DENND2B: variants seen among roughly 807,000 people sequenced by gnomAD.
DENND2B encodes DENN domain containing 2B.
In DENND2B, 32 loss-of-function variants were observed where a neutral mutation model predicts 116.0. That is an observed-to-expected ratio of 0.28 (90% CI 0.21 to 0.37). The LOEUF is 0.37. Ranked by LOEUF, DENND2B falls within the 10% of genes least tolerant of loss-of-function variation. The pLI, the probability that DENND2B is intolerant of heterozygous loss-of-function variation, is 1.00. For missense variants in DENND2B, 1,276 were observed against 1,477.7 expected (o/e 0.86, Z 2.24); for synonymous variants, 588 against 583.9 (o/e 1.01, Z -0.10).
At position 8,786,327 on chromosome 11, in the gene DENND2B, AAAAT is replaced by A. The variant is rs376311095; in HGVS notation, c.-26+24186_-26+24189del. Among the ~76,000 whole-genome samples the A allele has an allele frequency of 1.7e-3, 259 of 152,360 alleles. 1 individual carries two copies. The highest frequency in any genetic ancestry group is 5.7e-3 in the African/African-American group (237 of 41,572). On this transcript the variant is annotated intron_variant, in intron 1 of 19. Transcript: ENST00000313726. ...TCGCTGTAGTGGTAAAAACAAGAAA[AAAAT>A]AAATAAATAAAACATACTTCTTGGT...
At chr11:8,805,682 A>C (rs987668381) in intron 1 of DENND2B, among the ~76,000 whole-genome samples, 2 of 152,178 alleles carry the variant, frequency 1.3e-5, no homozygotes, top group African/African-American at 4.8e-5. Flanking sequence ...CCTACCATCA[A>C]AACTCAGAAC....
At chr11:8,822,465 G>A (rs1346569021) in intron 4 of DENND2B, among the ~76,000 whole-genome samples, 1 of 152,158 alleles carries the variant, frequency 6.6e-6, no homozygotes, top group Admixed American at 6.6e-5. Context: ...TCTTATAACT[G>A]AACGTTTAGC....
At chr11:8,890,056 C>T (rs553402682) in intron 1 of DENND2B, among the ~76,000 whole-genome samples, 38 of 152,296 alleles carry the variant, frequency 2.5e-4, no homozygotes, top group African/African-American at 7.9e-4. Context: ...TCCAGGGGAA[C>T]GATCAGGCAG....
intron 2 of DENND2B, among the ~76,000 whole-genome samples, chr11:8,746,616 T>G (rs2051302852): frequency 6.6e-6 from 1 of 152,132 alleles, no homozygotes; most frequent in Non-Finnish European, 1.5e-5. Flanking sequence ...AGTTGGGTGG[T>G]CAAGAAAAAC....
At chr11:8,902,392 G>C (rs1418691755) in intron 1 of DENND2B, among the ~76,000 whole-genome samples, 1 of 151,720 alleles carries the variant, frequency 6.6e-6, no homozygotes. Flanking sequence ...TCTATTTCTT[G>C]CTTGAATTTT....
At chr11:8,774,733 C>G (rs1048640398) in intron 1 of DENND2B, among the ~76,000 whole-genome samples, 20 of 152,204 alleles carry the variant, frequency 1.3e-4, no homozygotes, top group African/African-American at 4.6e-4. Flanking sequence ...CCCCCAGGCC[C>G]TGAAGCCCAA....
At chr11:8,731,333 A>G (rs2048097611) in intron 2 of DENND2B, 124 bp from the exon 3 acceptor site, 1 of 950,710 alleles carries the variant, frequency 1.1e-6, no homozygotes, top group African/African-American at 1.7e-5. Flanking sequence ...CTCAAAGAGT[A>G]TTCTATTCAA....
chr11:8,884,051 C>G (rs1305367965), intron 1 of DENND2B, among the ~76,000 whole-genome samples: 2 of 152,188 alleles, frequency 1.3e-5, no homozygotes, highest in South Asian at 2.1e-4. Flanking sequence ...AGATTTTCCT[C>G]TATAGAGATA....
At chr11:8,867,030 C>T (rs2063604490) in intron 2 of DENND2B, among the ~76,000 whole-genome samples, 2 of 152,178 alleles carry the variant, frequency 1.3e-5, no homozygotes, top group Non-Finnish European at 2.9e-5. Flanking sequence ...AAGAAAACTT[C>T]TTTAGTTGAC....
chr11:8,900,373 A>C (rs1475106216), intron 1 of DENND2B, among the ~76,000 whole-genome samples: 1 of 149,690 alleles, frequency 6.7e-6, no homozygotes. Context: ...TGGAGCTTGC[A>C]GTGCCCAAGG....
At chr11:8,770,259 A>G (rs576096145) in intron 1 of DENND2B, among the ~76,000 whole-genome samples, 2 of 152,312 alleles carry the variant, frequency 1.3e-5, no homozygotes, top group East Asian at 1.9e-4. Flanking sequence ...AATAAGCCCA[A>G]TAGGATTAAA....
chr11:8,899,613 C>T (rs139164332), intron 1 of DENND2B, among the ~76,000 whole-genome samples: 1 of 152,146 alleles, frequency 6.6e-6, no homozygotes, highest in South Asian at 2.1e-4. Flanking sequence ...GCCTTATAGC[C>T]TTTAAATGTG....
intron 2 of DENND2B, among the ~76,000 whole-genome samples, chr11:8,735,414 A>G (rs1031724192): frequency 1.1e-4 from 17 of 152,348 alleles, no homozygotes; most frequent in Middle Eastern, 3.4e-3. Flanking sequence ...CCAGCAGAGA[A>G]CCACCAGAAA....
chr11:8,887,164 G>A (rs769813623), intron 1 of DENND2B, among the ~76,000 whole-genome samples: 4 of 152,142 alleles, frequency 2.6e-5, no homozygotes, highest in Non-Finnish European at 4.4e-5. Context: ...TTTTCATTTT[G>A]CAGCAGCTCT....
At chr11:8,766,543 G>A in intron 1 of DENND2B, 2 of 1,091,426 alleles carry the variant, frequency 1.8e-6, no homozygotes, top group Non-Finnish European at 2.5e-6. Context: ...AAAGAGACAG[G>A]GAGCAATGGG....
At chr11:8,725,977 C>T in intron 4 of DENND2B, 96 bp downstream of exon 4, 1 of 1,577,044 alleles carries the variant, frequency 6.3e-7, no homozygotes, top group Non-Finnish European at 8.7e-7. Flanking sequence ...ACCATGCCTG[C>T]CCACAGTGAA....
rs150093536 is a variant in DENND2B, at chr11:8,855,901, A to C, written c.-156+1442T>G. Among the ~76,000 whole-genome samples, 804 of 152,334 alleles carry C rather than the reference A, an allele frequency of 5.3e-3. 3 individuals are homozygous for C. The highest frequency in any genetic ancestry group is 6.8e-3 in the Middle Eastern group (2 of 294). ...ACTCTCCTCTGGGAGGAATCCCAGC[A>C]AACTAGACAGCTGCCAGATCTACCT... On this transcript the variant is annotated intron_variant, in intron 3 of 6. Coordinates refer to the DENND2B transcript ENST00000524757.
At chr11:8,910,632 A>T (rs2064306592) in intron 1 of DENND2B, among the ~76,000 whole-genome samples, 1 of 64,132 alleles carries the variant, frequency 1.6e-5, no homozygotes, top group Admixed American at 1.7e-4. Context: ...ACTCCTGGCT[A>T]GTGTGTGTGT....
chr11:8,739,815 C>T (rs2049870061), intron 2 of DENND2B, among the ~76,000 whole-genome samples: 3 of 152,324 alleles, frequency 2.0e-5, no homozygotes, highest in East Asian at 1.9e-4. Context: ...TGCACACACA[C>T]ACACAAATAT....
Sources: allele counts gnomAD v4.1 joint callset (sites outside exome capture counted in the v4.1 genomes callset), GRCh38; gene constraint gnomAD v4.1.1; transcripts MANE v1.5; gene names NCBI Gene and HGNC (gene_info 2026-07-23, HGNC 2026-07-21).